Variants in AP1S3 observed in about 807,000 individuals in gnomAD.
AP1S3 encodes adaptor related protein complex 1 subunit sigma 3, also known as AP-1 complex subunit sigma-3.
In AP1S3, 10 loss-of-function variants were observed where a neutral mutation model predicts 20.9. The ratio of observed to expected loss-of-function variants is 0.48; its 90% confidence interval spans 0.29 to 0.81. The LOEUF is 0.81. Ranked by LOEUF, AP1S3 falls within the 30% of genes least tolerant of loss-of-function variation. The pLI is 0.08. For missense variants in AP1S3, 154 were observed against 183.8 expected, an observed-to-expected ratio of 0.84 and a Z score of 0.94; for synonymous variants, 41 against 61.5, an observed-to-expected ratio of 0.67 and a Z score of 1.56.
Position 223,818,371 on chromosome 2 carries a change from C to T in AP1S3, c.3+19077G>A, listed in dbSNP as rs181680367. ...GGCAGAGGTTGCAGTGAGCCGAGAT[C>T]GAGCCACTGCACTCCAGCCTGGGCA... On this transcript the variant is annotated intron_variant, in intron 1 of 4. Transcript: ENST00000396654. Among the ~76,000 whole-genome samples, 1,105 of 150,304 alleles carry T rather than the reference C, an allele frequency of 7.4e-3. 13 individuals carry two copies. The highest frequency in any genetic ancestry group is 0.055 in the South Asian group (263 of 4,766).
chr2:223,778,574 T>G (rs1283945508), intron 1 of AP1S3, among the ~76,000 whole-genome samples: 1 of 152,152 alleles, frequency 6.6e-6, no homozygotes. Context: ...CTTTAAAAAT[T>G]ATATTCCGGC....
At position 223,765,240 on chromosome 2, in the gene AP1S3, G is replaced by A. The variant is rs1559274889; in HGVS notation, c.402C>T (p.Ala134=). The A allele has an allele frequency of 1.2e-6, 2 of 1,613,950 alleles. No homozygotes were observed. The highest frequency in any genetic ancestry group is 4.5e-5 in the East Asian group (2 of 44,870). The change falls in exon 4 of 5, where the codon GCC becomes GCT. Residue 134 remains alanine, a synonymous_variant. Transcript: ENST00000396654. ...QETSKKIAVK[A]IEDSDMLQET... is the part of the protein sequence containing the mutation. ...CCTGTAACATATCAGAGTCTTCAAT[G>A]GCTTTGACAGCAATTTTCTTGGATG...
chr2:223,826,280 C>A (rs1485818837), intron 1 of AP1S3, among the ~76,000 whole-genome samples: 1 of 150,684 alleles, frequency 6.6e-6, no homozygotes, highest in African/African-American at 2.4e-5. Flanking sequence ...TTCAGTACGA[C>A]TCTGAAGTTG....
intron 4 of AP1S3, among the ~76,000 whole-genome samples, chr2:223,760,642 G>C (rs569290521): frequency 3.3e-5 from 5 of 151,532 alleles, no homozygotes; most frequent in African/African-American, 1.2e-4. Context: ...TGGTTTTATG[G>C]AATCTAGAGT....
intron 1 of AP1S3, among the ~76,000 whole-genome samples, chr2:223,778,154 G>C (rs1433143298): frequency 1.3e-5 from 2 of 150,954 alleles, no homozygotes; most frequent in African/African-American, 4.9e-5. Flanking sequence ...GAGAAGGAGT[G>C]TCGCTCTGCT....
At position 223,789,819 on chromosome 2, in the gene AP1S3, T is replaced by C. The variant is rs568703531; in HGVS notation, c.4-11950A>G. Among the ~76,000 whole-genome samples the C allele has an allele frequency of 9.8e-3, 1,332 of 136,492 alleles. 29 individuals are homozygous for C. The highest frequency in any genetic ancestry group is 0.037 in the African/African-American group (1,254 of 34,282). The allele number at this position is 136,492 out of a possible 152,430, so 89.5% of individuals were successfully genotyped here. On this transcript the variant is annotated intron_variant, in intron 1 of 4. Coordinates refer to ENST00000396654, the MANE Select transcript of AP1S3 (RefSeq NM_001039569.2). Reference sequence around the variant, plus strand: ...TGCCACTCCACTCCAGCCTCGGTGATAGTACAAGACTCTATCAAAAAAAAA... The same window carrying C: ...TGCCACTCCACTCCAGCCTCGGTGACAGTACAAGACTCTATCAAAAAAAAA...
At chr2:223,814,700 A>G (rs1691805629) in intron 1 of AP1S3, among the ~76,000 whole-genome samples, 1 of 152,248 alleles carries the variant, frequency 6.6e-6, no homozygotes. Context: ...TGCACATTAA[A>G]CTAAAAAATA....
At chr2:223,764,750 G>A (rs562222214) in intron 4 of AP1S3, among the ~76,000 whole-genome samples, 1 of 152,238 alleles carries the variant, frequency 6.6e-6, no homozygotes, top group East Asian at 1.9e-4. Context: ...CTTTCCCAGG[G>A]AAGCATAGGT....
chr2:223,787,590 A>G (rs1691106353), intron 1 of AP1S3, among the ~76,000 whole-genome samples: 1 of 152,254 alleles, frequency 6.6e-6, no homozygotes, highest in South Asian at 2.1e-4. Flanking sequence ...AGAATGCCTG[A>G]GAGCAATACT....
At chr2:223,759,664 T>C (rs185455585) in intron 4 of AP1S3, among the ~76,000 whole-genome samples, 85 of 152,346 alleles carry the variant, frequency 5.6e-4, no homozygotes, top group Middle Eastern at 3.4e-3. Context: ...AGGTTTGTTA[T>C]AGAGGTAAAC....
At chr2:223,779,376 T>G (rs76933460) in intron 1 of AP1S3, among the ~76,000 whole-genome samples, 1 of 152,082 alleles carries the variant, frequency 6.6e-6, no homozygotes, top group Non-Finnish European at 1.5e-5. Flanking sequence ...AGACCCCATC[T>G]CTAAATTTTT....
intron 1 of AP1S3, among the ~76,000 whole-genome samples, chr2:223,829,870 C>T (rs1386390170): frequency 6.6e-6 from 1 of 151,738 alleles, no homozygotes; most frequent in Non-Finnish European, 1.5e-5. Context: ...AAAAACACAG[C>T]TCCATCCATT....
chr2:223,792,757 C>T (rs1028761401), intron 1 of AP1S3, among the ~76,000 whole-genome samples: 2 of 151,988 alleles, frequency 1.3e-5, no homozygotes, highest in African/African-American at 2.4e-5. Context: ...GCAGAGCAAA[C>T]GAAACTGTCA....
chr2:223,779,516 G>A (rs1043881696), intron 1 of AP1S3, among the ~76,000 whole-genome samples: 5 of 152,026 alleles, frequency 3.3e-5, no homozygotes, highest in African/African-American at 7.2e-5. Flanking sequence ...CTCAATCCAC[G>A]GTATCAGAAG....
intron 3 of AP1S3, among the ~76,000 whole-genome samples, chr2:223,771,842 C>T (rs934991688): frequency 2.6e-5 from 4 of 152,242 alleles, no homozygotes; most frequent in Non-Finnish European, 5.9e-5. Flanking sequence ...CACAGTGGCT[C>T]ACGCCTGTAA....
chr2:223,800,246 A>G (rs531342712), intron 1 of AP1S3, among the ~76,000 whole-genome samples: 2 of 151,694 alleles, frequency 1.3e-5, no homozygotes, highest in Non-Finnish European at 2.9e-5. Flanking sequence ...AAATCAATCA[A>G]TGTAGTCCAA....
At chr2:223,794,987 TG>T (rs1286639914) in intron 1 of AP1S3, among the ~76,000 whole-genome samples, 1 of 152,182 alleles carries the variant, frequency 6.6e-6, no homozygotes, top group African/African-American at 2.4e-5. Flanking sequence ...CCAGGCGCAG[TG>T]GCTCACGCCC....
At chr2:223,789,491 T>A (rs1691159681) in intron 1 of AP1S3, among the ~76,000 whole-genome samples, 1 of 151,480 alleles carries the variant, frequency 6.6e-6, no homozygotes, top group Admixed American at 6.6e-5. Flanking sequence ...TATAGCAAGA[T>A]CCCATCCTTC....
At position 223,789,174 on chromosome 2, in the gene AP1S3, C is replaced by T. The variant is rs148627413; in HGVS notation, c.4-11305G>A. ...CTGGATACAGTAACAAATCACAGAG[C>T]TGAACAAATTGCTACACACACATAC... On this transcript the variant is annotated intron_variant, in intron 1 of 4. Transcript: ENST00000396654. Among the ~76,000 whole-genome samples the T allele has an allele frequency of 7.8e-3, 1,186 of 151,580 alleles. 10 individuals are homozygous for T. Among genetic ancestry groups the T allele is most frequent in the Admixed American group, 0.012 (182 of 15,204 alleles).
Sources: allele counts gnomAD v4.1 joint callset (sites outside exome capture counted in the v4.1 genomes callset), GRCh38; gene constraint gnomAD v4.1.1; transcripts MANE v1.5; gene names NCBI Gene and HGNC (gene_info 2026-07-23, HGNC 2026-07-21).